ZNF827: variants seen among roughly 807,000 people sequenced by gnomAD.
ZNF827 encodes the protein zinc finger protein 827.
Under a neutral mutation model 102.4 loss-of-function variants are expected in ZNF827, and 13 were observed. The observed-to-expected ratio is 0.13, with a 90% confidence interval of 0.08 to 0.20. The LOEUF is 0.20. ZNF827 is among the 10% of genes least tolerant of loss of function. ZNF827 has a pLI of 1.00. For missense variants in ZNF827, 1,103 were observed against 1,344.4 expected (o/e 0.82, Z 2.81); for synonymous variants, 523 against 536.2 (o/e 0.98, Z 0.34).
intron 4 of ZNF827, among the ~76,000 whole-genome samples, chr4:145,878,546 G>GA (rs949506187): frequency 5.1e-5 from 7 of 137,756 alleles, no homozygotes; most frequent in Non-Finnish European, 6.2e-5. Flanking sequence ...CATCTCGAAA[G>GA]AAAAAAAAGA....
intron 8 of ZNF827, among the ~76,000 whole-genome samples, chr4:145,813,022 C>A (rs899408257): frequency 6.6e-6 from 1 of 152,194 alleles, no homozygotes; most frequent in African/African-American, 2.4e-5. Context: ...CTCTTGCCAT[C>A]CCATTCTGTC....
intron 8 of ZNF827, among the ~76,000 whole-genome samples, chr4:145,808,583 G>A (rs1741713820): frequency 6.6e-6 from 1 of 152,146 alleles, no homozygotes; most frequent in Non-Finnish European, 1.5e-5. Context: ...CAGAGGATGG[G>A]GAAATTATGA....
At chr4:145,849,633 TCA>T (rs1178940193) in intron 5 of ZNF827, 72 bp from the exon 6 acceptor site, 1 of 1,593,204 alleles carries the variant, frequency 6.3e-7, no homozygotes, top group Non-Finnish European at 8.5e-7. Context: ...CAGTTTCTAA[TCA>T]CAGAGAAAAC....
chr4:145,818,227 A>G (rs1742787647), intron 8 of ZNF827, among the ~76,000 whole-genome samples: 1 of 152,236 alleles, frequency 6.6e-6, no homozygotes, highest in Non-Finnish European at 1.5e-5. Context: ...GTGACATATT[A>G]TCTGACTTAG....
At chr4:145,840,380 TAA>T (rs1476111712) in intron 7 of ZNF827, among the ~76,000 whole-genome samples, 1 of 152,224 alleles carries the variant, frequency 6.6e-6, no homozygotes, top group Non-Finnish European at 1.5e-5. Context: ...GGCAGTGTAC[TAA>T]GGGAGGGAGT....
intron 8 of ZNF827, among the ~76,000 whole-genome samples, chr4:145,796,987 C>T (rs1006421733): frequency 6.6e-6 from 1 of 152,026 alleles, no homozygotes; most frequent in Admixed American, 6.6e-5. Context: ...TCATAGATAC[C>T]AAAGGGAACC....
intron 1 of ZNF827, among the ~76,000 whole-genome samples, chr4:145,923,977 G>A (rs1403138344): frequency 1.3e-5 from 2 of 152,168 alleles, no homozygotes; most frequent in Admixed American, 1.3e-4. Context: ...CATGTTCACG[G>A]CAGTGCTGTT....
At chr4:145,918,427 G>C (rs1211310177) in intron 1 of ZNF827, among the ~76,000 whole-genome samples, 1 of 116,032 alleles carries the variant, frequency 8.6e-6, no homozygotes, top group African/African-American at 3.4e-5. Context: ...AAAAAAAAAA[G>C]CGGAATGGTG....
At chr4:145,868,490 T>C (rs1051875062) in intron 5 of ZNF827, among the ~76,000 whole-genome samples, 2 of 152,200 alleles carry the variant, frequency 1.3e-5, no homozygotes, top group African/African-American at 2.4e-5. Context: ...CCATAGCACA[T>C]GTGCTCAACC....
intron 8 of ZNF827, among the ~76,000 whole-genome samples, chr4:145,816,032 CA>C (rs1742563340): frequency 6.6e-6 from 1 of 152,234 alleles, no homozygotes; most frequent in South Asian, 2.1e-4. Flanking sequence ...ACAAAGTCCT[CA>C]AATGGAATTT....
At chr4:145,894,066 T>C (rs1750800925) in intron 2 of ZNF827, among the ~76,000 whole-genome samples, 2 of 152,226 alleles carry the variant, frequency 1.3e-5, no homozygotes, top group Admixed American at 6.5e-5. Context: ...AAAATATCAC[T>C]TAGCAATTGT....
chr4:145,845,010 T>C (rs953967243), intron 7 of ZNF827, among the ~76,000 whole-genome samples: 2 of 152,228 alleles, frequency 1.3e-5, no homozygotes, highest in African/African-American at 4.8e-5. Flanking sequence ...AGTTCCTTGA[T>C]TTAAAGACTG....
intron 5 of ZNF827, among the ~76,000 whole-genome samples, chr4:145,851,220 T>A (rs1746496495): frequency 6.6e-6 from 1 of 152,298 alleles, no homozygotes; most frequent in South Asian, 2.1e-4. Context: ...ATATCTGTTG[T>A]TTCAAGCTTC....
At chr4:145,840,572 A>ATGG (rs1215890352) in intron 7 of ZNF827, among the ~76,000 whole-genome samples, 1 of 152,238 alleles carries the variant, frequency 6.6e-6, no homozygotes, top group Non-Finnish European at 1.5e-5. Context: ...AAGAGAATAT[A>ATGG]TGGAGACCTC....
chr4:145,899,757 A>G (rs1005106338), intron 2 of ZNF827, among the ~76,000 whole-genome samples: 1 of 152,196 alleles, frequency 6.6e-6, no homozygotes, highest in Non-Finnish European at 1.5e-5. Context: ...CAAGTCTTAG[A>G]CTGAACAGAG....
intron 7 of ZNF827, among the ~76,000 whole-genome samples, chr4:145,844,721 TAAATAAATAAAA>T (rs1475035069): frequency 8.0e-6 from 1 of 125,116 alleles, no homozygotes; most frequent in Non-Finnish European, 1.7e-5. Flanking sequence ...AATAAATAAA[TAAATAAATAAAA>T]TAAACCCAGT....
chr4:145,853,477 GGCTGA>G (rs1746735735), intron 5 of ZNF827, among the ~76,000 whole-genome samples: 1 of 152,166 alleles, frequency 6.6e-6, no homozygotes, highest in African/African-American at 2.4e-5. Context: ...CCACTCAGGA[GGCTGA>G]GGTGGGAGGA....
chr4:145,880,259 C>T (rs1051087906), intron 4 of ZNF827, among the ~76,000 whole-genome samples: 24 of 152,186 alleles, frequency 1.6e-4, no homozygotes, highest in African/African-American at 5.3e-4. Flanking sequence ...GTTCTACCAC[C>T]TATTCATTGT....
Position 145,768,916 on chromosome 4 carries a change from T to TATATATAAAA in ZNF827, c.2861-3179_2861-3178insTTTTATATAT, listed in dbSNP as rs34051922. On this transcript the variant is annotated intron_variant, in intron 11 of 14. Transcript: ENST00000508784. ...ATATATATATATATATATATATATA[T>TATATATAAAA]TAGGTATACAAAGTTTGGAAATAGA... Among the ~76,000 whole-genome samples the TATATATAAAA allele has an allele frequency of 3.3e-3, 112 of 34,418 alleles. 22 individuals carry two copies. Among genetic ancestry groups the TATATATAAAA allele is most frequent in the Non-Finnish European group, 4.1e-3 (78 of 19,192 alleles). 22.6% of individuals were successfully genotyped at this position (34,418 alleles called of 152,430 possible).
Sources: allele counts gnomAD v4.1 joint callset (sites outside exome capture counted in the v4.1 genomes callset), GRCh38; gene constraint gnomAD v4.1.1; transcripts MANE v1.5; gene names NCBI Gene and HGNC (gene_info 2026-07-23, HGNC 2026-07-21).